The following COL27A1 variants were observed in gnomAD, a reference collection of about 807,000 sequenced individuals.
COL27A1 encodes the protein collagen type XXVII alpha 1 chain.
In COL27A1, 106 loss-of-function variants were observed where a neutral mutation model predicts 251.3. The observed-to-expected ratio is 0.42, with a 90% CI of 0.36 to 0.50. COL27A1 has a LOEUF of 0.50. Among genes scored for constraint, COL27A1 ranks in the 20% least tolerant of loss-of-function variants. The pLI, the probability that COL27A1 is intolerant of heterozygous loss-of-function variation, is 0.00. For missense variants in COL27A1, 2,325 were observed against 2,522.8 expected, an observed-to-expected ratio of 0.92 and a Z score of 1.68; for synonymous variants, 1,000 against 986.3, an observed-to-expected ratio of 1.01 and a Z score of -0.26.
At chr9:114,257,926 A>C (rs1834045178) in intron 27 of COL27A1, among the ~76,000 whole-genome samples, 2 of 152,198 alleles carry the variant, frequency 1.3e-5, no homozygotes, top group Admixed American at 6.5e-5. Flanking sequence ...GTCTGGATGC[A>C]GTGGCTCACA....
intron 48 of COL27A1, among the ~76,000 whole-genome samples, chr9:114,291,445 G>C (rs1827910322): frequency 6.6e-6 from 1 of 152,142 alleles, no homozygotes; most frequent in South Asian, 2.1e-4. Flanking sequence ...GGGAAGATGT[G>C]AATGAGAATA....
At chr9:114,299,753 G>A (rs972086019) in intron 49 of COL27A1, among the ~76,000 whole-genome samples, 38 of 152,216 alleles carry the variant, frequency 2.5e-4, no homozygotes, top group South Asian at 2.1e-4. Context: ...AGCTGTGGGA[G>A]GAGGCTGCAG....
At chr9:114,292,018 C>A in intron 48 of COL27A1, 85 bp from the exon 49 acceptor site, 1 of 1,179,788 alleles carries the variant, frequency 8.5e-7, no homozygotes, top group Non-Finnish European at 1.2e-6. Context: ...AATCACTGTT[C>A]TGGCTCTCCC....
chr9:114,222,348 G>A (rs977668347), intron 14 of COL27A1, 81 bp downstream of exon 14: 3 of 1,353,732 alleles, frequency 2.2e-6, no homozygotes, highest in Non-Finnish European at 3.2e-6. Context: ...GCCAGGAGCA[G>A]GCCCTGCAGG....
chr9:114,253,044 T>G (rs1243004427), intron 27 of COL27A1, 112 bp downstream of exon 27: 2 of 851,392 alleles, frequency 2.3e-6, no homozygotes, highest in Non-Finnish European at 3.8e-6. Context: ...GCCGATCACT[T>G]GAGGCCAGAG....
intron 7 of COL27A1, among the ~76,000 whole-genome samples, chr9:114,200,118 G>C (rs10817579): frequency 0.08 from 12,170 of 152,216 alleles, 1,119 homozygotes; most frequent in East Asian, 0.53. Context: ...TGTGATGGAG[G>C]CTGCCTGAGA....
At chr9:114,264,825 C>T (rs1834620467) in intron 29 of COL27A1, 99 bp from the exon 30 acceptor site, 2 of 1,317,280 alleles carry the variant, frequency 1.5e-6, no homozygotes, top group Non-Finnish European at 2.1e-6. Flanking sequence ...TCTGTGGCCT[C>T]AAACGGGTTC....
chr9:114,209,123 A>T (rs187499284), intron 10 of COL27A1, among the ~76,000 whole-genome samples: 1 of 152,272 alleles, frequency 6.6e-6, no homozygotes, highest in East Asian at 1.9e-4. Context: ...GGGTGGTGAC[A>T]ATCTGGGGGG....
At chr9:114,160,579 T>C (rs1462652363) in intron 1 of COL27A1, among the ~76,000 whole-genome samples, 1 of 151,320 alleles carries the variant, frequency 6.6e-6, no homozygotes, top group Non-Finnish European at 1.5e-5. Flanking sequence ...GGCACATGCC[T>C]GTAATCTCAG....
At chr9:114,294,187 G>A (rs1384632971) in intron 49 of COL27A1, among the ~76,000 whole-genome samples, 1 of 148,144 alleles carries the variant, frequency 6.8e-6, no homozygotes, top group East Asian at 2.0e-4. Flanking sequence ...GGCGGAGGTT[G>A]CAGTGAGCCA....
chr9:114,241,651 A>ACCT (rs1832763958), intron 21 of COL27A1, among the ~76,000 whole-genome samples: 2 of 152,176 alleles, frequency 1.3e-5, no homozygotes, highest in Non-Finnish European at 2.9e-5. Flanking sequence ...ACTTGTTCAC[A>ACCT]TCTTCATTCA....
chr9:114,246,107 T>A, intron 24 of COL27A1, 197 bp downstream of exon 24: 1 of 532,644 alleles, frequency 1.9e-6, no homozygotes, highest in East Asian at 3.5e-5. Flanking sequence ...ATGAGAAAGC[T>A]GTGGATCATA....
intron 21 of COL27A1, 67 bp downstream of exon 21, chr9:114,240,554 T>C: frequency 6.7e-7 from 1 of 1,487,716 alleles, no homozygotes. Context: ...TGCCCTGTCC[T>C]GGGTACTGAA....
intron 37 of COL27A1, 58 bp downstream of exon 37, chr9:114,275,826 C>A: frequency 2.6e-6 from 3 of 1,165,344 alleles, no homozygotes; most frequent in South Asian, 1.4e-5. Context: ...AACTCTCATG[C>A]CTGTGCAGGC....
At chr9:114,158,087 C>T (rs1281785963) in intron 1 of COL27A1, among the ~76,000 whole-genome samples, 2 of 152,162 alleles carry the variant, frequency 1.3e-5, no homozygotes, top group African/African-American at 2.4e-5. Flanking sequence ...CAGGCATAGC[C>T]GTCTGGGCAC....
chr9:114,227,311 GT>G (rs5900077), intron 14 of COL27A1, among the ~76,000 whole-genome samples: 12,240 of 128,832 alleles, frequency 0.095, 1,207 homozygotes, highest in African/African-American at 0.28. Flanking sequence ...AACCTTGAGT[GT>G]TTTTTTTTTT....
chr9:114,210,833 G>C (rs1830302702), intron 11 of COL27A1, 149 bp from the exon 12 acceptor site: 1 of 706,558 alleles, frequency 1.4e-6, no homozygotes, highest in Non-Finnish European at 2.5e-6. Flanking sequence ...TCCGTCTGAT[G>C]TGCATGTCAC....
intron 3 of COL27A1, among the ~76,000 whole-genome samples, chr9:114,170,540 G>C (rs1400991446): frequency 1.3e-5 from 2 of 152,224 alleles, no homozygotes; most frequent in African/African-American, 4.8e-5. Context: ...GACAGTGGCA[G>C]ATGCTGGGAA....
chr9:114,170,871 C>T (rs1485499953), intron 3 of COL27A1, among the ~76,000 whole-genome samples: 3 of 152,204 alleles, frequency 2.0e-5, no homozygotes, highest in Non-Finnish European at 2.9e-5. Flanking sequence ...ACGCTGTGTG[C>T]GTGCTGGGCT....
Sources: allele counts gnomAD v4.1 joint callset (sites outside exome capture counted in the v4.1 genomes callset), GRCh38; gene constraint gnomAD v4.1.1; transcripts MANE v1.5; gene names NCBI Gene and HGNC (gene_info 2026-07-23, HGNC 2026-07-21).